Variants in CALU observed in about 807,000 individuals in gnomAD.
The protein encoded by CALU is calumenin.
Under a neutral mutation model 37.5 loss-of-function variants are expected in CALU, and 13 were observed. The ratio of observed to expected loss-of-function variants is 0.35; its 90% CI spans 0.23 to 0.55. The LOEUF is 0.55. Among genes scored for constraint, CALU ranks in the 20% least tolerant of loss-of-function variants. The pLI, the probability that CALU is intolerant of heterozygous loss-of-function variation, is 0.89. For missense variants in CALU, 282 were observed against 391.7 expected, an observed-to-expected ratio of 0.72 and a Z score of 2.36; for synonymous variants, 114 against 133.8, an observed-to-expected ratio of 0.85 and a Z score of 1.02.
rs768216743 is a variant in CALU at position 128,772,669 on chromosome 7, A to G, written c.*3502A>G. 6.2e-7 allele frequency: 1 copy of G among 1,614,084 alleles called. No homozygotes were observed. Among genetic ancestry groups the G allele is most frequent in the Admixed American group, 1.7e-5 (1 of 60,016 alleles). ...TGATGCAAGCTTGGAACTGGAGAGAAAGGTACAATTGGAGATAACCTTGGC... is the reference window on the plus strand; with the variant it reads ...TGATGCAAGCTTGGAACTGGAGAGAGAGGTACAATTGGAGATAACCTTGGC... On this transcript the variant is annotated 3_prime_UTR_variant, in exon 7 of 7. Coordinates refer to ENST00000249364, the MANE Select transcript of CALU (RefSeq NM_001219.5).
At position 128,739,409 on chromosome 7, in the gene CALU, G is replaced by A. The variant is rs942610243; in HGVS notation, c.-35G>A. Reference sequence around the variant, plus strand: ...GGGTGAGCGGCGGCCACGGCATCCTGTGCTGTGGGGGCTACGAGGAAAGGT... The same window carrying A: ...GGGTGAGCGGCGGCCACGGCATCCTATGCTGTGGGGGCTACGAGGAAAGGT... On this transcript the variant is annotated 5_prime_UTR_variant, in exon 1 of 7. In the 5' UTR this introduces an upstream ATG that the reference lacks. Coordinates refer to ENST00000249364, the MANE Select transcript of CALU (RefSeq NM_001219.5). 6.6e-6 allele frequency: 1 copy of A among 152,516 alleles called. No homozygotes were observed. The highest frequency in any genetic ancestry group is 1.5e-5 in the Non-Finnish European group (1 of 68,306). 9.4% of individuals were successfully genotyped at this position (152,516 alleles called of 1,614,324 possible). A position where few individuals can be genotyped will look rare whatever the true frequency, so the allele number is the denominator to read the frequency against.
At chr7:128,757,889 T>C (rs1013852025) in intron 3 of CALU, among the ~76,000 whole-genome samples, 1 of 150,084 alleles carries the variant, frequency 6.7e-6, no homozygotes, top group Non-Finnish European at 1.5e-5. Flanking sequence ...AGTTCCAAAT[T>C]CAATTTGGTT....
At chr7:128,746,107 A>G (rs1800423711) in intron 1 of CALU, among the ~76,000 whole-genome samples, 1 of 149,728 alleles carries the variant, frequency 6.7e-6, no homozygotes, top group African/African-American at 2.4e-5. Flanking sequence ...TTCACTTGAC[A>G]TATCTTGGTG....
rs1394303506 is a variant in CALU at position 128,772,243 on chromosome 7, G to C, written c.*3076G>C. Among the ~76,000 whole-genome samples the C allele has an allele frequency of 6.6e-6, 1 of 151,458 alleles. No homozygotes were observed. The highest frequency in any genetic ancestry group is 1.5e-5 in the Non-Finnish European group (1 of 67,880). ...GAAAACTTAAAGCATATTCCTTTTT[G>C]GTTGCCTTGTATGTAGAAATCAGTT... On this transcript the variant is annotated 3_prime_UTR_variant, in exon 7 of 7. Transcript: ENST00000249364.
At chr7:128,759,078 CTT>C (rs562239768) in intron 4 of CALU, 41 bp downstream of exon 4, 1 of 1,508,460 alleles carries the variant, frequency 6.6e-7, no homozygotes. Flanking sequence ...CTCAGTTTCT[CTT>C]TTTGTGGCTT....
chr7:128,754,718 C>G, intron 3 of CALU: 7 of 1,547,418 alleles, frequency 4.5e-6, no homozygotes, highest in Non-Finnish European at 6.1e-6. Flanking sequence ...ATGGCACTTA[C>G]CTGGGTAAGG....
intron 3 of CALU, 36 bp from the exon 4 acceptor site, chr7:128,758,835 G>A: frequency 6.9e-7 from 1 of 1,449,838 alleles, no homozygotes; most frequent in Non-Finnish European, 9.6e-7. Context: ...TTTTCTGAAA[G>A]TCTTTTAAGA....
At chr7:128,745,662 A>G (rs961406186) in intron 1 of CALU, among the ~76,000 whole-genome samples, 1 of 152,196 alleles carries the variant, frequency 6.6e-6, no homozygotes, top group African/African-American at 2.4e-5. Context: ...AAGTAAAGGC[A>G]TACTCACTTT....
chr7:128,742,435 G>C (rs1800274278), intron 1 of CALU, among the ~76,000 whole-genome samples: 1 of 152,202 alleles, frequency 6.6e-6, no homozygotes, highest in Non-Finnish European at 1.5e-5. Context: ...TTAACATTGA[G>C]CAATGGGTCT....
rs1285857993 is a variant in CALU at position 128,770,060 on chromosome 7, T to G, written c.*893T>G. On this transcript the variant is annotated 3_prime_UTR_variant, in exon 7 of 7. Transcript: ENST00000249364. ...ATCACTGTAAATGCCCCCATCCGGT[T>G]CCTCTTCTTCCCAGGTGTGCCAAGG... The G allele has an allele frequency of 3.3e-5, 5 of 152,656 alleles. No homozygotes were observed. The highest frequency in any genetic ancestry group is 1.2e-4 in the African/African-American group (5 of 41,456). The allele number at this position is 152,656 out of a possible 1,614,324, so 9.5% of individuals were successfully genotyped here.
chr7:128,758,936 A>G lies in CALU; in HGVS notation c.481A>G (p.Lys161Glu). ...GATGGTTAGAGATGAGCGGAGGTTTAAAATGGCAGACAAGGATGGAGACCT... is the reference window on the plus strand; with the variant it reads ...GATGGTTAGAGATGAGCGGAGGTTTGAAATGGCAGACAAGGATGGAGACCT... ...QMMVRDERRF[K>E]MADKDGDLIA... Residue 161 changes from lysine (K) to glutamate (E), a missense_variant, in exon 4 of 7, where the codon AAA (lysine) becomes GAA (glutamate). By Grantham distance (56) the Lys-to-Glu change is moderately conservative. Coordinates refer to ENST00000249364, the MANE Select transcript of CALU (RefSeq NM_001219.5). The G allele has an allele frequency of 6.2e-7, 1 of 1,613,736 alleles. No individual in the cohort carries two copies. The highest frequency in any genetic ancestry group is 1.1e-5 in the South Asian group (1 of 91,066).
chr7:128,740,748 A>G (rs1800208159), intron 1 of CALU, among the ~76,000 whole-genome samples: 2 of 152,156 alleles, frequency 1.3e-5, no homozygotes, highest in African/African-American at 4.8e-5. Context: ...AGTGAATAGT[A>G]CTCAATATAG....
chr7:128,748,798 G>A lies in CALU; in HGVS notation c.215G>A (p.Arg72Lys). The stretch of plus-strand genomic sequence containing the variant: ...CTGACACCAGAAGAGAGCAAGGAAA[G>A]GCTTGGGTAAGGTACCACCTCTCAG... ...DQLTPEESKERLGKIVSKIDG... is the reference protein window; with the variant it reads ...DQLTPEESKEKLGKIVSKIDG... The change falls in exon 2 of 7, where the codon AGG becomes AAG. Residue 72 changes from arginine (R) to lysine (K), a missense_variant. Physicochemically the swap from Arg to Lys is conservative, Grantham distance 26. Coordinates refer to ENST00000249364, the MANE Select transcript of CALU (RefSeq NM_001219.5). The A allele has an allele frequency of 6.2e-7, 1 of 1,613,084 alleles. No homozygotes were observed. The highest frequency in any genetic ancestry group is 8.5e-7 in the Non-Finnish European group (1 of 1,179,070).
intron 1 of CALU, among the ~76,000 whole-genome samples, chr7:128,743,218 T>C (rs1369810700): frequency 1.3e-5 from 2 of 152,084 alleles, no homozygotes; most frequent in African/African-American, 4.8e-5. Context: ...GGGACAGAAT[T>C]TTAGAGAGAG....
At chr7:128,748,161 C>T (rs1020756415) in intron 1 of CALU, 1 of 478,172 alleles carries the variant, frequency 2.1e-6, no homozygotes. Context: ...TTCTAATAAC[C>T]AGCCATGTTT....
intron 5 of CALU, among the ~76,000 whole-genome samples, chr7:128,764,522 C>G (rs1375215060): frequency 1.3e-5 from 2 of 152,158 alleles, no homozygotes; most frequent in African/African-American, 4.8e-5. Context: ...GATACCATAG[C>G]AACTTCTTAC....
intron 4 of CALU, 39 bp from the exon 5 acceptor site, chr7:128,759,753 G>T (rs1236853673): frequency 2.0e-6 from 2 of 996,158 alleles, no homozygotes; most frequent in South Asian, 2.6e-5. Context: ...CAAATTCAGA[G>T]ACCAACTTAA....
At chr7:128,760,980 G>T (rs914579112) in intron 5 of CALU, among the ~76,000 whole-genome samples, 28 of 152,156 alleles carry the variant, frequency 1.8e-4, no homozygotes, top group Admixed American at 7.2e-4. Context: ...AGGAGATAGG[G>T]AATAGATTAA....
intron 6 of CALU, 85 bp downstream of exon 6, chr7:128,767,740 T>C (rs1416669207): frequency 5.2e-6 from 6 of 1,143,294 alleles, no homozygotes; most frequent in Non-Finnish European, 6.5e-6. Context: ...TTAAGGTGCA[T>C]AGAGCATTTA....
Sources: gnomAD v4.1 joint callset for allele counts (sites outside exome capture counted in the v4.1 genomes callset) on GRCh38, gnomAD v4.1.1 for gene constraint, MANE v1.5 for transcripts, NCBI Gene and HGNC (gene_info 2026-07-23, HGNC 2026-07-21) for gene names.